The following TASP1 variants were observed in gnomAD, a reference collection of about 807,000 sequenced individuals.
TASP1 encodes threonine aspartase 1.
In TASP1, 16 loss-of-function variants were observed where a neutral mutation model predicts 56.6. That is an observed-to-expected ratio of 0.28 (90% CI 0.19 to 0.43). The LOEUF (loss-of-function observed/expected upper bound fraction) is 0.43. TASP1 is among the 20% of genes least tolerant of loss of function. The pLI, the probability that TASP1 is intolerant of heterozygous loss-of-function variation, is 1.00. For missense variants in TASP1, 393 were observed against 511.6 expected (o/e 0.77, Z 2.24); for synonymous variants, 179 against 184.2 (o/e 0.97, Z 0.23).
chr20:13,464,848 AC>A (rs1441845474), intron 11 of TASP1, among the ~76,000 whole-genome samples: 1 of 152,050 alleles, frequency 6.6e-6, no homozygotes, highest in Non-Finnish European at 1.5e-5. Context: ...AAGATGCTTA[AC>A]CCTACAGAAC....
chr20:13,375,031 C>T, the TASP1 span, among the ~76,000 whole-genome samples: 1 of 152,188 alleles, frequency 6.6e-6, no homozygotes, highest in African/African-American at 2.4e-5. Flanking sequence ...ATATAAATTA[C>T]TCAGCAGTAT....
chr20:13,212,597 T>C, the TASP1 span, among the ~76,000 whole-genome samples: 4 of 152,204 alleles, frequency 2.6e-5, no homozygotes, highest in Non-Finnish European at 5.9e-5. Context: ...TTATTTGGCT[T>C]TCATGGCCCC....
chr20:13,164,943 G>A, the TASP1 span: 1 of 1,254,556 alleles, frequency 8.0e-7, no homozygotes, highest in Non-Finnish European at 1.1e-6. Context: ...AATATAAATG[G>A]ATTTCTCCCC....
At chr20:13,173,554 T>C in the TASP1 span, among the ~76,000 whole-genome samples, 3 of 152,152 alleles carry the variant, frequency 2.0e-5, no homozygotes, top group African/African-American at 7.2e-5. Flanking sequence ...ATGGATGGGC[T>C]AGGCTGGAGG....
the TASP1 span, among the ~76,000 whole-genome samples, chr20:13,253,862 CATATAT>C: frequency 1.4e-5 from 2 of 140,164 alleles, no homozygotes; most frequent in Admixed American, 7.2e-5. Context: ...CATCCATATC[CATATAT>C]ATATATATAT....
chr20:13,117,980 GCAAAGTAC>G, the TASP1 span, among the ~76,000 whole-genome samples: 515 of 152,222 alleles, frequency 3.4e-3, 2 homozygotes, highest in Non-Finnish European at 6.1e-3. Flanking sequence ...TACATAAGAT[GCAAAGTAC>G]CAGGCAGAGG....
chr20:13,118,455 AAAAAC>A, the TASP1 span, among the ~76,000 whole-genome samples: 8 of 151,256 alleles, frequency 5.3e-5, 1 homozygote, highest in African/African-American at 1.2e-4. Flanking sequence ...TGTGGAAAAA[AAAAAC>A]AAAAAAAAAC....
At chr20:13,202,828 A>C in the TASP1 span, among the ~76,000 whole-genome samples, 2 of 152,352 alleles carry the variant, frequency 1.3e-5, no homozygotes, top group South Asian at 4.1e-4. Context: ...GCCACCTGTG[A>C]GTGGTTGAAT....
chr20:13,632,053 A>G lies in TASP1; in HGVS notation c.-74-1901T>C, dbSNP rs139100675. ...GGCGACGGAGCAAGACTTCGTCTCA[A>G]AAAAAAAAGTACAGATTTCCTTATT... is the stretch of plus-strand genomic sequence containing the variant. On this transcript the variant is annotated intron_variant, in intron 1 of 13. Coordinates refer to ENST00000337743, the MANE Select transcript of TASP1 (RefSeq NM_017714.3). Among the ~76,000 whole-genome samples, 14 of 148,822 alleles carry G rather than the reference A, an allele frequency of 9.4e-5. No homozygotes were observed. In the East Asian group the frequency reaches 1.8e-3, roughly 19 times the overall value.
At chr20:13,266,614 G>T in the TASP1 span, among the ~76,000 whole-genome samples, 2 of 152,132 alleles carry the variant, frequency 1.3e-5, no homozygotes, top group Non-Finnish European at 2.9e-5. Flanking sequence ...GACACATTGT[G>T]GGTAAAGCAA....
At chr20:13,258,214 C>T in the TASP1 span, among the ~76,000 whole-genome samples, 1 of 152,104 alleles carries the variant, frequency 6.6e-6, no homozygotes, top group Non-Finnish European at 1.5e-5. Flanking sequence ...ATTACATCAA[C>T]AGGCTCCCTT....
At chr20:13,632,172 G>A (rs776336614) in intron 1 of TASP1, among the ~76,000 whole-genome samples, 1 of 151,936 alleles carries the variant, frequency 6.6e-6, no homozygotes, top group Non-Finnish European at 1.5e-5. Context: ...AGACCAGCCT[G>A]GCCAACATGG....
At chr20:13,369,274 C>T in the TASP1 span, among the ~76,000 whole-genome samples, 3 of 152,080 alleles carry the variant, frequency 2.0e-5, no homozygotes, top group Non-Finnish European at 4.4e-5. Flanking sequence ...GGTGGAACCT[C>T]GTCTCTATCA....
chr20:13,370,721 C>A, the TASP1 span, among the ~76,000 whole-genome samples: 1 of 152,048 alleles, frequency 6.6e-6, no homozygotes, highest in Admixed American at 6.6e-5. Flanking sequence ...TTAGAGTGGA[C>A]CCTAATCCAT....
chr20:13,466,952 C>T (rs1379057553), intron 11 of TASP1, among the ~76,000 whole-genome samples: 1 of 151,906 alleles, frequency 6.6e-6, no homozygotes, highest in East Asian at 1.9e-4. Context: ...CTTGTCTGTG[C>T]TTTTTTAAGC....
chr20:13,185,756 A>T, the TASP1 span, among the ~76,000 whole-genome samples: 1 of 152,170 alleles, frequency 6.6e-6, no homozygotes, highest in African/African-American at 2.4e-5. Context: ...TGGCAACAAC[A>T]TTGCAAAGTA....
intron 5 of TASP1, among the ~76,000 whole-genome samples, chr20:13,585,850 C>A (rs147409705): frequency 5.9e-5 from 9 of 152,094 alleles, no homozygotes; most frequent in Admixed American, 5.2e-4. Flanking sequence ...GAAGTACATA[C>A]GTGGCCAGGC....
At chr20:13,628,491 A>G (rs765807960) in intron 2 of TASP1, among the ~76,000 whole-genome samples, 46 of 152,226 alleles carry the variant, frequency 3.0e-4, no homozygotes, top group Non-Finnish European at 5.4e-4. Flanking sequence ...TTGTAAAAGC[A>G]CCTGTGAGAA....
the TASP1 span, chr20:13,110,010 GT>G: frequency 3.3e-6 from 3 of 917,780 alleles, no homozygotes; most frequent in Non-Finnish European, 4.8e-6. Flanking sequence ...TTCTCTGAAA[GT>G]TTAGGTCTGA....
Sources: allele counts gnomAD v4.1 joint callset (sites outside exome capture counted in the v4.1 genomes callset), GRCh38; gene constraint gnomAD v4.1.1; transcripts MANE v1.5; gene names NCBI Gene and HGNC (gene_info 2026-07-23, HGNC 2026-07-21).